The following RBL1 variants were observed in gnomAD, a reference collection of about 807,000 sequenced individuals.
RBL1 encodes retinoblastoma-like protein 1.
A neutral mutation model predicts 123.0 loss-of-function variants in RBL1; 82 were observed. The ratio of observed to expected loss-of-function variants is 0.67; its 90% CI spans 0.56 to 0.80. RBL1 has a LOEUF of 0.80. Ranked by LOEUF, RBL1 falls within the 30% of genes least tolerant of loss-of-function variation. The pLI, the probability that RBL1 is intolerant of heterozygous loss-of-function variation, is 0.00. For synonymous variants in RBL1, 405 were observed against 441.3 expected, an observed-to-expected ratio of 0.92 and a Z score of 1.03; for missense variants, 1,171 against 1,299.6, an observed-to-expected ratio of 0.90 and a Z score of 1.52.
At chr20:37,058,402 G>A (rs2065047110) in intron 9 of RBL1, among the ~76,000 whole-genome samples, 1 of 151,356 alleles carries the variant, frequency 6.6e-6, no homozygotes. Context: ...TGTAGTCCCA[G>A]CTACTTGGAG....
chr20:37,080,451 ACTCT>A (rs111469337), intron 2 of RBL1, among the ~76,000 whole-genome samples: 15 of 133,406 alleles, frequency 1.1e-4, no homozygotes, highest in African/African-American at 8.6e-5. Context: ...GCCGCAATTT[ACTCT>A]CTCTCTCTTT....
intron 2 of RBL1, among the ~76,000 whole-genome samples, chr20:37,088,194 G>A (rs2065582044): frequency 6.6e-6 from 1 of 151,780 alleles, no homozygotes; most frequent in Non-Finnish European, 1.5e-5. Flanking sequence ...GAACCCAGGA[G>A]GCAGAGGTTG....
At chr20:37,020,851 A>T in intron 17 of RBL1, 121 bp from the exon 18 acceptor site, 1 of 613,190 alleles carries the variant, frequency 1.6e-6, no homozygotes, top group Non-Finnish European at 2.8e-6. Context: ...ACCCCAGGCC[A>T]GTCCATGACT....
intron 2 of RBL1, among the ~76,000 whole-genome samples, chr20:37,087,401 T>C (rs1245731866): frequency 6.7e-6 from 1 of 149,038 alleles, no homozygotes; most frequent in African/African-American, 2.5e-5. Flanking sequence ...TTGAGCAACA[T>C]AGTAAGACCC....
intron 11 of RBL1, among the ~76,000 whole-genome samples, chr20:37,054,894 C>A (rs1013051705): frequency 2.0e-5 from 3 of 151,892 alleles, no homozygotes; most frequent in African/African-American, 7.3e-5. Flanking sequence ...AAGATATTAG[C>A]GTAAACTATG....
chr20:37,006,058 C>T (rs1486579407), intron 20 of RBL1, among the ~76,000 whole-genome samples: 16 of 150,942 alleles, frequency 1.1e-4, no homozygotes, highest in African/African-American at 2.4e-4. Flanking sequence ...AGCCACTACA[C>T]GGCTAGTTTT....
intron 12 of RBL1, among the ~76,000 whole-genome samples, 161 bp downstream of exon 12, chr20:37,046,892 C>T (rs1252120922): frequency 1.3e-5 from 2 of 152,012 alleles, no homozygotes; most frequent in Non-Finnish European, 2.9e-5. Context: ...GGATTACAGG[C>T]GTGAGCCACC....
In RBL1 at chr20:37,066,704, T is replaced by C. The variant is rs751668223; in HGVS notation, c.846+20A>G. The C allele has an allele frequency of 3.1e-6, 5 of 1,591,054 alleles. No homozygotes were observed. The African/African-American group carries it at 4.1e-5, about 13-fold the overall frequency. On this transcript the variant is annotated intron_variant, in intron 6 of 21. Coordinates refer to ENST00000373664, the MANE Select transcript of RBL1 (RefSeq NM_002895.5). ...TGGTGATCTGTAAACATCTCAGTCA[T>C]CTAATTATAAGTACAGTACCTTCCT...
chr20:37,088,611 T>G (rs2065592924), intron 2 of RBL1, among the ~76,000 whole-genome samples: 1 of 151,902 alleles, frequency 6.6e-6, no homozygotes, highest in Non-Finnish European at 1.5e-5. Context: ...CCATAGCACT[T>G]TGGGAGGTTG....
At chr20:37,001,259 G>C (rs2063975237) in intron 21 of RBL1, among the ~76,000 whole-genome samples, 6 of 152,140 alleles carry the variant, frequency 3.9e-5, no homozygotes, top group Middle Eastern at 6.8e-3. Flanking sequence ...TCTGGGAGGT[G>C]TACTCAACAG....
Position 37,002,336 on chromosome 20 carries a change from G to GTTTTTTTTTTTTTTTTTTTTTTTTTTT in RBL1, c.3036+1365_3036+1366insAAAAAAAAAAAAAAAAAAAAAAAAAAA, listed in dbSNP as rs965408801. ...TGAGCCACCGTGCCTAGCCTTATCT[G>GTTTTTTTTTTTTTTTTTTTTTTTTTTT]TTTTTTTTTTTTTTTTTTTTTTTTG... On this transcript the variant is annotated intron_variant, in intron 21 of 21. Transcript: ENST00000373664. 1.4e-4 allele frequency among the ~76,000 whole-genome samples: 11 copies of GTTTTTTTTTTTTTTTTTTTTTTTTTTT among 76,348 alleles called. 1 individual carries two copies. Among genetic ancestry groups the GTTTTTTTTTTTTTTTTTTTTTTTTTTT allele is most frequent in the Admixed American group, 3.7e-4 (2 of 5,346 alleles). 50.1% of individuals were successfully genotyped at this position (76,348 alleles called of 152,430 possible). A position where few individuals can be genotyped will look rare whatever the true frequency, so the allele number is the denominator to read the frequency against.
At chr20:37,017,805 A>T (rs1246855706) in intron 19 of RBL1, among the ~76,000 whole-genome samples, 2 of 148,964 alleles carry the variant, frequency 1.3e-5, no homozygotes, top group South Asian at 2.1e-4. Flanking sequence ...TAATTTTTGT[A>T]TTTTTTTTTT....
intron 13 of RBL1, 121 bp from the exon 14 acceptor site, chr20:37,040,406 C>T: frequency 7.2e-7 from 1 of 1,393,830 alleles, no homozygotes; most frequent in Admixed American, 2.7e-5. Flanking sequence ...GGCTGGAATG[C>T]AGTGGCACGA....
intron 21 of RBL1, among the ~76,000 whole-genome samples, chr20:36,999,427 TC>T: frequency 6.8e-6 from 1 of 146,362 alleles, no homozygotes; most frequent in Non-Finnish European, 1.5e-5. Context: ...GCTTCCCGTC[TC>T]CCTCCTCTCC....
chr20:37,061,346 C>T (rs2065091196), intron 8 of RBL1, 77 bp from the exon 9 acceptor site: 6 of 1,487,886 alleles, frequency 4.0e-6, no homozygotes, highest in Non-Finnish European at 4.5e-6. Flanking sequence ...GTGCATATAC[C>T]ATCTTCTCTA....
chr20:37,054,028 TACACACAC>T lies in RBL1; in HGVS notation c.1467+1517_1467+1524del, dbSNP rs55898438. On this transcript the variant is annotated intron_variant, in intron 11 of 21. Coordinates refer to ENST00000373664, the MANE Select transcript of RBL1 (RefSeq NM_002895.5). ...AATCTATGCATATGATACAATTTTA[TACACACAC>T]ACACACACACACACACACACACTGT... 2.9e-4 allele frequency among the ~76,000 whole-genome samples: 42 copies of T among 146,954 alleles called. No individual in the cohort carries two copies. In the East Asian group the frequency reaches 3.7e-3, roughly 13 times the overall value.
chr20:37,034,606 C>G (rs916771232), intron 15 of RBL1, among the ~76,000 whole-genome samples: 2 of 151,806 alleles, frequency 1.3e-5, no homozygotes, highest in African/African-American at 4.8e-5. Flanking sequence ...ATCACTTGAG[C>G]CTGGGAGCAG....
intron 2 of RBL1, among the ~76,000 whole-genome samples, chr20:37,079,292 T>C (rs2065412778): frequency 6.6e-6 from 1 of 152,018 alleles, no homozygotes; most frequent in African/African-American, 2.4e-5. Context: ...AAAGAAACTT[T>C]TTTTGTTATC....
chr20:37,091,306 C>T (rs896379055), intron 1 of RBL1, among the ~76,000 whole-genome samples: 31 of 151,114 alleles, frequency 2.1e-4, no homozygotes, highest in Non-Finnish European at 3.8e-4. Context: ...TGCAGTGAGC[C>T]GAGATCACGC....
Sources: allele counts gnomAD v4.1 joint callset (sites outside exome capture counted in the v4.1 genomes callset), GRCh38; gene constraint gnomAD v4.1.1; transcripts MANE v1.5; gene names NCBI Gene and HGNC (gene_info 2026-07-23, HGNC 2026-07-21).